Variants in PACC1 observed in about 807,000 individuals in gnomAD.
The protein encoded by PACC1 is proton-activated chloride channel.
A neutral mutation model predicts 39.7 loss-of-function variants in PACC1; 34 were observed. That is an observed-to-expected ratio of 0.86 (90% CI 0.65 to 1.14). PACC1 has a LOEUF of 1.14. PACC1 is among the 50% of genes most tolerant of loss of function. The probability of loss-of-function intolerance (pLI) is 0.00; values close to 1 mark genes in which losing one functional copy is unlikely to be tolerated. For synonymous variants in PACC1, 127 were observed against 160.6 expected (o/e 0.79, Z 1.58); for missense variants, 379 against 436.4 (o/e 0.87, Z 1.17).
chr1:212,373,833 C>T (rs921383807), intron 7 of PACC1, among the ~76,000 whole-genome samples: 2 of 152,004 alleles, frequency 1.3e-5, no homozygotes, highest in African/African-American at 4.8e-5. Flanking sequence ...AAAATGACCA[C>T]TATCAAAAAG....
At chr1:212,382,526 A>C (rs1242236812) in intron 4 of PACC1, among the ~76,000 whole-genome samples, 1 of 152,218 alleles carries the variant, frequency 6.6e-6, no homozygotes, top group Non-Finnish European at 1.5e-5. Context: ...AGCATGAAAG[A>C]AAGCACCAGA....
At chr1:212,402,383 G>A (rs142929714) in intron 2 of PACC1, among the ~76,000 whole-genome samples, 143 of 152,262 alleles carry the variant, frequency 9.4e-4, no homozygotes, top group Middle Eastern at 3.4e-3. Flanking sequence ...CTATCTCATC[G>A]TGATTTAGAG....
intron 6 of PACC1, chr1:212,376,857 T>C (rs977610661): frequency 5.9e-5 from 9 of 152,226 alleles, no homozygotes; most frequent in African/African-American, 2.2e-4. Context: ...GAGTGTGTCC[T>C]TCTGCTCCAG....
chr1:212,412,357 G>A (rs1333849568), intron 1 of PACC1, among the ~76,000 whole-genome samples: 3 of 152,154 alleles, frequency 2.0e-5, no homozygotes, highest in Admixed American at 6.5e-5. Context: ...CCTCCCACCA[G>A]GTTCCCTTCC....
At chr1:212,404,632 CTTCT>C (rs923132874) in intron 2 of PACC1, among the ~76,000 whole-genome samples, 4 of 152,030 alleles carry the variant, frequency 2.6e-5, no homozygotes, top group African/African-American at 9.7e-5. Flanking sequence ...TAGCCAGCCC[CTTCT>C]TTTTCACCTA....
intron 2 of PACC1, among the ~76,000 whole-genome samples, chr1:212,393,747 A>C (rs1474688136): frequency 6.6e-6 from 1 of 152,206 alleles, no homozygotes; most frequent in Non-Finnish European, 1.5e-5. Context: ...AAAAATGATA[A>C]AGGGGATATC....
At chr1:212,381,531 T>C (rs966810819) in intron 4 of PACC1, among the ~76,000 whole-genome samples, 18 of 152,170 alleles carry the variant, frequency 1.2e-4, no homozygotes, top group Admixed American at 1.2e-3. Flanking sequence ...CCACTCCCCC[T>C]GCTGGAGCCT....
intron 2 of PACC1, among the ~76,000 whole-genome samples, chr1:212,388,334 C>T (rs1428856421): frequency 2.0e-5 from 3 of 152,160 alleles, no homozygotes; most frequent in Admixed American, 2.0e-4. Context: ...TGATTGAACA[C>T]GTCCTGATGC....
Position 212,414,848 on chromosome 1 carries a change from C to T in PACC1, c.-91G>A. The T allele has an allele frequency of 1.9e-6, 3 of 1,550,582 alleles. No individual in the cohort carries two copies. Among genetic ancestry groups the T allele is most frequent in the Non-Finnish European group, 2.7e-6 (3 of 1,131,998 alleles). On this transcript the variant is annotated 5_prime_UTR_variant, in exon 1 of 8. Transcript: ENST00000261455. ...CGGCCGCTGCACCTGGACCTACCGG[C>T]TCCGCGAGGCGAAACCGGTCCGGAG...
chr1:212,413,927 C>G, intron 1 of PACC1: 1 of 1,534,892 alleles, frequency 6.5e-7, no homozygotes, highest in Non-Finnish European at 8.7e-7. Context: ...GCCAATGAGG[C>G]GGCACGATGG....
chr1:212,368,274 T>C (rs1338948712), intron 7 of PACC1, among the ~76,000 whole-genome samples: 1 of 152,152 alleles, frequency 6.6e-6, no homozygotes, highest in Non-Finnish European at 1.5e-5. Context: ...TAGATGGGTA[T>C]AAACAAGGGC....
chr1:212,410,848 T>C (rs1571686248), intron 1 of PACC1, among the ~76,000 whole-genome samples: 1 of 152,188 alleles, frequency 6.6e-6, no homozygotes, highest in South Asian at 2.1e-4. Context: ...CTACGAGTGG[T>C]GAGGAAATCT....
At chr1:212,382,467 T>A (rs1660939350) in intron 4 of PACC1, among the ~76,000 whole-genome samples, 2 of 152,198 alleles carry the variant, frequency 1.3e-5, no homozygotes, top group African/African-American at 4.8e-5. Flanking sequence ...GCAAACCTTA[T>A]TGTGCCAGAG....
chr1:212,394,952 G>A (rs1429062491), intron 2 of PACC1, among the ~76,000 whole-genome samples: 2 of 152,162 alleles, frequency 1.3e-5, no homozygotes, highest in Non-Finnish European at 2.9e-5. Flanking sequence ...CAAACAAATG[G>A]AAGAACATTC....
At chr1:212,403,213 G>T (rs888094743) in intron 2 of PACC1, among the ~76,000 whole-genome samples, 6 of 152,270 alleles carry the variant, frequency 3.9e-5, no homozygotes, top group East Asian at 1.9e-4. Flanking sequence ...GTGCATTATG[G>T]TATGGAATTA....
At chr1:212,399,699 T>G (rs1408682878) in intron 2 of PACC1, among the ~76,000 whole-genome samples, 1 of 152,046 alleles carries the variant, frequency 6.6e-6, no homozygotes, top group Non-Finnish European at 1.5e-5. Context: ...CATGCCACCA[T>G]GCCCAGCTAA....
At chr1:212,368,369 C>T (rs565594334) in intron 7 of PACC1, among the ~76,000 whole-genome samples, 1 of 152,132 alleles carries the variant, frequency 6.6e-6, no homozygotes, top group African/African-American at 2.4e-5. Context: ...CAGAGAAATA[C>T]AATCTCATCA....
At chr1:212,398,184 A>T (rs1402385186) in intron 2 of PACC1, among the ~76,000 whole-genome samples, 1 of 152,252 alleles carries the variant, frequency 6.6e-6, no homozygotes. Context: ...AAAAATAAAG[A>T]TCATAGAACT....
intron 2 of PACC1, among the ~76,000 whole-genome samples, chr1:212,392,949 A>G (rs1204489720): frequency 6.6e-6 from 1 of 151,938 alleles, no homozygotes; most frequent in African/African-American, 2.4e-5. Context: ...GTCCTTAGTG[A>G]CCTACAAAGA....
Sources: gnomAD v4.1 joint callset for allele counts (sites outside exome capture counted in the v4.1 genomes callset) on GRCh38, gnomAD v4.1.1 for gene constraint, MANE v1.5 for transcripts, NCBI Gene and HGNC (gene_info 2026-07-23, HGNC 2026-07-21) for gene names.